The following CNTRL variants were observed in gnomAD, a reference collection of about 807,000 sequenced individuals.
CNTRL encodes the protein centriolin.
A neutral mutation model predicts 303.7 loss-of-function variants in CNTRL; 233 were observed. That is an observed-to-expected ratio of 0.77 (90% CI 0.69 to 0.86). The LOEUF is 0.86. Ranked by LOEUF, CNTRL falls within the 40% of genes least tolerant of loss-of-function variation. The pLI, the probability that CNTRL is intolerant of heterozygous loss-of-function variation, is 0.00. For synonymous variants in CNTRL, 900 were observed against 922.2 expected (o/e 0.98, Z 0.44); for missense variants, 2,524 against 2,650.6 (o/e 0.95, Z 1.05).
intron 26 of CNTRL, among the ~76,000 whole-genome samples, chr9:121,152,961 ATTGTAGT>A (rs1227363848): frequency 2.9e-4 from 44 of 152,194 alleles, no homozygotes; most frequent in African/African-American, 8.7e-4. Flanking sequence ...ATCAGCTCTT[ATTGTAGT>A]CCCTCTTGGA....
intron 25 of CNTRL, among the ~76,000 whole-genome samples, chr9:121,151,183 T>C (rs2052221387): frequency 6.6e-6 from 1 of 152,168 alleles, no homozygotes; most frequent in Non-Finnish European, 1.5e-5. Flanking sequence ...CAATATTTTG[T>C]ATTCTGTTTT....
At chr9:121,167,981 G>A in intron 37 of CNTRL, 115 bp from the exon 38 acceptor site, 4 of 886,636 alleles carry the variant, frequency 4.5e-6, no homozygotes, top group Non-Finnish European at 3.4e-6. Context: ...TAATGGAATT[G>A]TCCCTGTGGG....
chr9:121,143,690 G>C (rs568882327), intron 19 of CNTRL, among the ~76,000 whole-genome samples: 1 of 152,296 alleles, frequency 6.6e-6, no homozygotes, highest in African/African-American at 2.4e-5. Context: ...ATGAAGTTAT[G>C]ACCACTAAGA....
chr9:121,095,916 G>T (rs10733651), intron 5 of CNTRL, among the ~76,000 whole-genome samples: 90,662 of 152,098 alleles, frequency 0.6, 29,236 homozygotes, highest in South Asian at 0.89. Flanking sequence ...TAATATGTGT[G>T]ATAAATGCTT....
chr9:121,131,500 T>C (rs1167716433), intron 14 of CNTRL, among the ~76,000 whole-genome samples: 2 of 152,136 alleles, frequency 1.3e-5, no homozygotes, highest in Admixed American at 6.6e-5. Context: ...CTTCCTCCAT[T>C]CCTTTATTTT....
intron 25 of CNTRL, among the ~76,000 whole-genome samples, chr9:121,151,824 T>TG (rs1174820119): frequency 1.3e-5 from 2 of 152,252 alleles, no homozygotes; most frequent in Non-Finnish European, 2.9e-5. Flanking sequence ...CTAGGGCACA[T>TG]GTCAAGTCAC....
chr9:121,154,272 C>A (rs1468270468), intron 26 of CNTRL, among the ~76,000 whole-genome samples: 1 of 152,110 alleles, frequency 6.6e-6, no homozygotes, highest in East Asian at 1.9e-4. Flanking sequence ...CAAATGTTGT[C>A]ACCAGAGTTT....
At chr9:121,153,209 C>T (rs2052379648) in intron 26 of CNTRL, among the ~76,000 whole-genome samples, 1 of 152,204 alleles carries the variant, frequency 6.6e-6, no homozygotes, top group Non-Finnish European at 1.5e-5. Context: ...TCCATGTCTT[C>T]TCTCTTGGTC....
chr9:121,162,996 C>CA (rs1456009836), intron 34 of CNTRL, among the ~76,000 whole-genome samples: 2 of 151,448 alleles, frequency 1.3e-5, no homozygotes, highest in East Asian at 1.9e-4. Context: ...TATACAAAAC[C>CA]AAAAAAAGAA....
At chr9:121,104,165 C>T (rs2049329590) in intron 7 of CNTRL, among the ~76,000 whole-genome samples, 1 of 152,168 alleles carries the variant, frequency 6.6e-6, no homozygotes, top group Non-Finnish European at 1.5e-5. Flanking sequence ...GAAAATGTGG[C>T]ACATATACAC....
At chr9:121,161,742 C>T (rs754167225) in intron 32 of CNTRL, 114 bp from the exon 33 acceptor site, 86 of 705,140 alleles carry the variant, frequency 1.2e-4, no homozygotes, top group South Asian at 2.0e-4. Context: ...TTCAGCTCAA[C>T]AAAATTTTTA....
intron 24 of CNTRL, among the ~76,000 whole-genome samples, chr9:121,149,415 T>G (rs935683165): frequency 2.3e-4 from 35 of 152,170 alleles, no homozygotes; most frequent in Admixed American, 8.5e-4. Context: ...TTTGTTTTTT[T>G]TTTTGAGAGG....
intron 11 of CNTRL, 28 bp downstream of exon 11, chr9:121,115,228 A>G: frequency 8.0e-7 from 1 of 1,247,800 alleles, no homozygotes. Flanking sequence ...AGCAATGCTA[A>G]GAGGAAATGA....
intron 8 of CNTRL, 53 bp downstream of exon 8, chr9:121,108,048 C>A: frequency 2.3e-6 from 3 of 1,276,978 alleles, no homozygotes; most frequent in Non-Finnish European, 3.2e-6. Context: ...ACAGATAATT[C>A]TTTGCCCTTG....
At chr9:121,135,129 G>T (rs957051420) in intron 14 of CNTRL, among the ~76,000 whole-genome samples, 1 of 152,112 alleles carries the variant, frequency 6.6e-6, no homozygotes, top group Non-Finnish European at 1.5e-5. Flanking sequence ...AACACAAATG[G>T]ACTAAAATGA....
At chr9:121,171,694 A>G in intron 40 of CNTRL, 146 bp downstream of exon 40, 2 of 766,184 alleles carry the variant, frequency 2.6e-6, no homozygotes, top group Admixed American at 3.6e-5. Context: ...CTGGTTTTTT[A>G]GCCTTAAAAT....
In CNTRL at chr9:121,173,720, C is replaced by T. The variant is rs1240275107; in HGVS notation, c.6730C>T (p.Arg2244Trp). The stretch of plus-strand genomic sequence containing the variant: ...AGCACTCCGGGAGAAACTGCGTCAC[C>T]GGGAAGACCGACTCAAGGTTGCCCT... ...GEALREKLRH[R>W]EDRLKAQLRH... Residue 2244 changes from arginine to tryptophan, a missense_variant, in exon 42 of 44, where the codon CGG becomes TGG. Transcript: ENST00000373855. 1.1e-5 allele frequency: 18 copies of T among 1,613,946 alleles called. No individual in the cohort carries two copies. The South Asian group carries it at 1.2e-4, about 11-fold the overall frequency.
At chr9:121,134,147 C>G (rs1180794271) in intron 14 of CNTRL, among the ~76,000 whole-genome samples, 1 of 151,968 alleles carries the variant, frequency 6.6e-6, no homozygotes, top group African/African-American at 2.4e-5. Context: ...TACTTTTTTC[C>G]TTTGCTCATT....
intron 27 of CNTRL, 91 bp downstream of exon 27, chr9:121,155,004 A>G: frequency 8.7e-7 from 1 of 1,149,534 alleles, no homozygotes; most frequent in Non-Finnish European, 1.3e-6. Flanking sequence ...TGTGTGTGAT[A>G]AGAGGACAGT....
Sources: allele counts gnomAD v4.1 joint callset (sites outside exome capture counted in the v4.1 genomes callset), GRCh38; gene constraint gnomAD v4.1.1; transcripts MANE v1.5; gene names NCBI Gene and HGNC (gene_info 2026-07-23, HGNC 2026-07-21).